The following APOBEC3D variants were observed in gnomAD, a reference collection of about 807,000 sequenced individuals.
APOBEC3D encodes apolipoprotein B mRNA editing enzyme catalytic subunit 3D.
In APOBEC3D, 37 loss-of-function variants were observed where a neutral mutation model predicts 45.6. The ratio of observed to expected loss-of-function variants is 0.81; its 90% confidence interval spans 0.62 to 1.07. The LOEUF is 1.07. Ranked by LOEUF, APOBEC3D falls within the 50% of genes least tolerant of loss-of-function variation. The pLI is 0.00. For missense variants in APOBEC3D, 496 were observed against 495.3 expected (o/e 1.00, Z -0.01); for synonymous variants, 175 against 180.7 (o/e 0.97, Z 0.25).
rs546596554 is a variant in APOBEC3D, at chr22:39,024,406, A to C, written c.211-664A>C. On this transcript the variant is annotated intron_variant, in intron 2 of 6. Transcript: ENST00000216099. ...GCCTGGTGAATGGATGCCTGGGAGA[A>C]TGGATGCCAGAATTCACACACGAGG... 4.1e-3 allele frequency among the ~76,000 whole-genome samples: 620 copies of C among 152,336 alleles called. 4 individuals carry two copies. The highest frequency in any genetic ancestry group is 0.014 in the African/African-American group (583 of 41,572).
At chr22:39,029,667 T>A in intron 5 of APOBEC3D, 148 bp downstream of exon 5, 1 of 1,062,746 alleles carries the variant, frequency 9.4e-7, no homozygotes, top group Non-Finnish European at 1.3e-6. Context: ...AGACAGAGTC[T>A]CCCTCATGCA....
intron 2 of APOBEC3D, among the ~76,000 whole-genome samples, chr22:39,024,018 C>T (rs1328396142): frequency 3.3e-5 from 5 of 152,060 alleles, no homozygotes; most frequent in Admixed American, 6.6e-5. Flanking sequence ...GCGGTGCTGG[C>T]CACGGAAACA....
intron 5 of APOBEC3D, 116 bp downstream of exon 5, chr22:39,029,635 T>G (rs1408992963): frequency 1.6e-6 from 2 of 1,240,516 alleles, no homozygotes; most frequent in Admixed American, 6.8e-5. Context: ...CCTCTTACAT[T>G]TCTTTCTTTT....
chr22:39,024,583 A>C (rs1003744790), intron 2 of APOBEC3D, among the ~76,000 whole-genome samples: 4 of 152,198 alleles, frequency 2.6e-5, no homozygotes, highest in African/African-American at 9.7e-5. Flanking sequence ...TCCAACGTCA[A>C]GGCACCAGCA....
intron 6 of APOBEC3D, 86 bp from the exon 7 acceptor site, chr22:39,032,112 A>C: frequency 6.3e-7 from 1 of 1,585,174 alleles, no homozygotes; most frequent in East Asian, 2.2e-5. Context: ...ACTGGCAGCC[A>C]GGAGACCTGG....
At position 39,021,591 on chromosome 22, in the gene APOBEC3D, C is replaced by G. The variant is rs953058600; in HGVS notation, c.17+55C>G. On this transcript the variant is annotated intron_variant, in intron 1 of 6. Coordinates refer to ENST00000216099, the MANE Select transcript of APOBEC3D (RefSeq NM_152426.4). ...CCTCCGGCCCCTTCCTTCTGGTGGT[C>G]CTGCTGGGCCTCAGCCCTGGCCTCC... is the stretch of plus-strand genomic sequence containing the variant. The G allele has an allele frequency of 4.3e-6, 7 of 1,612,206 alleles. No individual in the cohort carries two copies. The African/African-American group carries it at 8.0e-5, about 18-fold the overall frequency.
At chr22:39,025,750 C>T in intron 4 of APOBEC3D, 79 bp downstream of exon 4, 2 of 1,603,640 alleles carry the variant, frequency 1.2e-6, no homozygotes, top group Admixed American at 1.7e-5. Context: ...CTGGCTGGGC[C>T]CTCCTGCCCT....
chr22:39,029,587 C>T (rs529755226), intron 5 of APOBEC3D, 68 bp downstream of exon 5: 26 of 1,580,284 alleles, frequency 1.6e-5, no homozygotes, highest in Admixed American at 3.4e-5. Context: ...AAACACAATA[C>T]GTGACGTGCC....
chr22:39,031,589 A>G, intron 5 of APOBEC3D, 105 bp from the exon 6 acceptor site: 1 of 1,473,068 alleles, frequency 6.8e-7, no homozygotes, highest in Non-Finnish European at 9.2e-7. Flanking sequence ...AAATAAGAAA[A>G]TGCCCTGGGG....
In APOBEC3D at chr22:39,031,944, G is replaced by T; in HGVS notation, c.1013G>T (p.Gly338Val). ...QEGLCSLSQE[G>V]ASVKIMGYKD... is the part of the protein sequence containing the mutation. ...GGGCTCTGCAGCCTGAGTCAGGAAGGGGCCTCCGTGAAGATCATGGGCTAC... is the reference window on the plus strand; with the variant it reads ...GGGCTCTGCAGCCTGAGTCAGGAAGTGGCCTCCGTGAAGATCATGGGCTAC... The change falls in exon 6 of 7, where the codon GGG (glycine) becomes GTG (valine). Residue 338 changes from glycine to valine, a missense_variant. Physicochemically the swap from Gly to Val is moderately radical, Grantham distance 109 (BLOSUM62 -3). Coordinates refer to ENST00000216099, the MANE Select transcript of APOBEC3D (RefSeq NM_152426.4). 6.2e-7 allele frequency: 1 copy of T among 1,614,182 alleles called. No homozygotes were observed. The highest frequency in any genetic ancestry group is 1.1e-5 in the South Asian group (1 of 91,080).
At chr22:39,022,444 G>A (rs1382975429) in intron 1 of APOBEC3D, among the ~76,000 whole-genome samples, 1 of 152,264 alleles carries the variant, frequency 6.6e-6, no homozygotes, top group Non-Finnish European at 1.5e-5. Context: ...ATGTTAACAC[G>A]CAGAGTGAAA....
rs373725653 is a variant in APOBEC3D, at chr22:39,029,393, A to T, written c.636A>T (p.Ile212=). 217 of 1,614,120 alleles carry T rather than the reference A, an allele frequency of 1.3e-4. 1 individual carries two copies. Among genetic ancestry groups the T allele is most frequent in the Non-Finnish European group, 1.8e-4 (208 of 1,180,020 alleles). The change falls in exon 5 of 7, where the codon ATA becomes ATT. Residue 212 remains isoleucine (I), a synonymous_variant. Coordinates refer to ENST00000216099, the MANE Select transcript of APOBEC3D (RefSeq NM_152426.4). ...RNPMEAMYPH[I]FYFHFKNLLK... ...CGATGGAGGCAATGTACCCACACAT[A>T]TTCTACTTCCACTTTAAAAACCTAC...
At chr22:39,032,119 C>T in intron 6 of APOBEC3D, 79 bp from the exon 7 acceptor site, 1 of 1,586,500 alleles carries the variant, frequency 6.3e-7, no homozygotes, top group Non-Finnish European at 8.6e-7. Context: ...GCCAGGAGAC[C>T]TGGCTTGGGA....
Position 39,021,432 on chromosome 22 carries a change from C to A in APOBEC3D, c.-88C>A, listed in dbSNP as rs1393048252. 2.4e-5 allele frequency: 39 copies of A among 1,600,756 alleles called. No homozygotes were observed. The highest frequency in any genetic ancestry group is 2.7e-5 in the Non-Finnish European group (31 of 1,169,330). ...GGAGGTCACTTTAAGGAGGGCTGTC[C>A]AACTGCAAGGAGCCGCAAGCAGGAA... On this transcript the variant is annotated 5_prime_UTR_variant, in exon 1 of 7. Coordinates refer to ENST00000216099, the MANE Select transcript of APOBEC3D (RefSeq NM_152426.4).
intron 4 of APOBEC3D, among the ~76,000 whole-genome samples, chr22:39,027,934 C>G (rs1925842476): frequency 6.6e-6 from 1 of 152,222 alleles, no homozygotes; most frequent in Non-Finnish European, 1.5e-5. Flanking sequence ...GGTGCTCCCT[C>G]TGTGTGCTTC....
At chr22:39,029,606 G>T in intron 5 of APOBEC3D, 87 bp downstream of exon 5, 3 of 1,505,548 alleles carry the variant, frequency 2.0e-6, no homozygotes, top group Non-Finnish European at 2.7e-6. Flanking sequence ...CCCCGCGTGG[G>T]CTCTGCTATG....
intron 1 of APOBEC3D, among the ~76,000 whole-genome samples, chr22:39,021,991 C>T (rs1156357119): frequency 6.6e-6 from 1 of 152,192 alleles, no homozygotes; most frequent in African/African-American, 2.4e-5. Context: ...AGGGAATGGT[C>T]TCTGAAGCAC....
rs997418854 is a variant in APOBEC3D, at chr22:39,031,871, A to G, written c.940A>G (p.Ile314Val). 4 of 1,614,076 alleles carry G rather than the reference A, an allele frequency of 2.5e-6. No individual in the cohort carries two copies. Among genetic ancestry groups the G allele is most frequent in the Admixed American group, 3.3e-5 (2 of 60,004 alleles). The change falls in exon 6 of 7, where the codon ATC becomes GTC. Residue 314 changes from isoleucine (I) to valine (V), a missense_variant. By Grantham distance (29) the Ile-to-Val change is conservative. Transcript: ENST00000216099. ...CAGGCACAGCAACGTGAATCTCACC[A>G]TCTTCACCGCCCGCCTCTGCTACTT... ...LARHSNVNLT[I>V]FTARLCYFWD...
At chr22:39,032,166 C>G (rs1320989728) in intron 6 of APOBEC3D, 32 bp from the exon 7 acceptor site, 1 of 1,607,966 alleles carries the variant, frequency 6.2e-7, no homozygotes, top group Non-Finnish European at 8.5e-7. Context: ...GCTTGCTGGG[C>G]CCTCACTGCT....
Sources: gnomAD v4.1 joint callset for allele counts (sites outside exome capture counted in the v4.1 genomes callset) on GRCh38, gnomAD v4.1.1 for gene constraint, MANE v1.5 for transcripts, NCBI Gene and HGNC (gene_info 2026-07-23, HGNC 2026-07-21) for gene names.